Variants in MYO16 observed in about 807,000 individuals in gnomAD.
MYO16 encodes myosin XVI.
Under a neutral mutation model 205.3 loss-of-function variants are expected in MYO16, and 94 were observed. That is an observed-to-expected ratio of 0.46 (90% CI 0.39 to 0.54). The LOEUF (loss-of-function observed/expected upper bound fraction) is 0.54. MYO16 is among the 20% of genes least tolerant of loss of function. The probability of loss-of-function intolerance (pLI) is 0.00; values close to 1 mark genes in which losing one functional copy is unlikely to be tolerated. For synonymous variants in MYO16, 988 were observed against 954.0 expected, an observed-to-expected ratio of 1.04 and a Z score of -0.66; for missense variants, 2,315 against 2,387.5, an observed-to-expected ratio of 0.97 and a Z score of 0.63.
intron 1 of MYO16, among the ~76,000 whole-genome samples, chr13:108,647,139 C>G (rs1488373730): frequency 6.6e-6 from 1 of 152,122 alleles, no homozygotes; most frequent in Non-Finnish European, 1.5e-5. Context: ...TTTTCTTTCT[C>G]TACCTTCTGA....
Position 108,844,464 on chromosome 13 carries a change from A to G in MYO16, c.1219A>G (p.Met407Val). Reference protein sequence around the residue: ...QSQDSIPENPMMSGSTKPEQV... With the variant: ...QSQDSIPENPVMSGSTKPEQV... ...TCAGGACAGCATCCCTGAAAACCCC[A>G]TGATGAGCGGTTCCACCAAACCCGA... Residue 407 changes from methionine (M) to valine (V), a missense_variant, in exon 10 of 35, where the codon ATG becomes GTG. Physicochemically the swap from Met to Val is conservative, Grantham distance 21. Coordinates refer to ENST00000457511, the MANE Select transcript of MYO16 (RefSeq NM_001198950.3). 1.9e-6 allele frequency: 3 copies of G among 1,611,654 alleles called. No homozygotes were observed. Among genetic ancestry groups the G allele is most frequent in the South Asian group, 2.2e-5 (2 of 90,798 alleles).
intron 33 of MYO16, among the ~76,000 whole-genome samples, chr13:109,169,104 A>G (rs1450752802): frequency 1.3e-5 from 2 of 152,200 alleles, no homozygotes; most frequent in African/African-American, 4.8e-5. Flanking sequence ...GCTCCCACTT[A>G]TAAGTGAGAA....
chr13:108,802,947 A>C (rs74121448), intron 6 of MYO16, among the ~76,000 whole-genome samples: 94 of 152,242 alleles, frequency 6.2e-4, no homozygotes, highest in African/African-American at 2.2e-3. Flanking sequence ...CAGCTGTTTG[A>C]GGGGCCTACT....
At chr13:108,690,217 C>T (rs954891731) in intron 2 of MYO16, among the ~76,000 whole-genome samples, 3 of 151,912 alleles carry the variant, frequency 2.0e-5, no homozygotes, top group African/African-American at 7.3e-5. Context: ...GGAGCTGCAA[C>T]CATCAACAAC....
intron 1 of MYO16, among the ~76,000 whole-genome samples, chr13:108,603,387 C>A (rs997707374): frequency 6.6e-6 from 1 of 152,038 alleles, no homozygotes; most frequent in African/African-American, 2.4e-5. Context: ...TAAATTGAAC[C>A]AAAGTTGGGA....
At chr13:109,196,986 G>C (rs1416754675) in intron 34 of MYO16, among the ~76,000 whole-genome samples, 4 of 152,128 alleles carry the variant, frequency 2.6e-5, no homozygotes, top group Admixed American at 6.5e-5. Context: ...ACCTATTATA[G>C]AACAGTACAA....
At chr13:108,547,187 G>A in the MYO16 span, among the ~76,000 whole-genome samples, 2 of 151,426 alleles carry the variant, frequency 1.3e-5, no homozygotes, top group East Asian at 1.9e-4. Context: ...CAGGAGCATG[G>A]CATGAACCTG....
chr13:109,040,469 A>C (rs758282685), intron 23 of MYO16, among the ~76,000 whole-genome samples: 1 of 151,644 alleles, frequency 6.6e-6, no homozygotes, highest in African/African-American at 2.4e-5. Flanking sequence ...AATATGTTTA[A>C]TATATTAGCA....
chr13:108,838,274 C>T (rs796304013), intron 9 of MYO16, among the ~76,000 whole-genome samples: 5 of 151,964 alleles, frequency 3.3e-5, no homozygotes, highest in Admixed American at 1.3e-4. Flanking sequence ...TTAATACATG[C>T]AGCGTGTTTA....
chr13:108,841,878 C>T (rs570111623), intron 9 of MYO16, among the ~76,000 whole-genome samples: 2 of 152,140 alleles, frequency 1.3e-5, no homozygotes, highest in Admixed American at 6.6e-5. Flanking sequence ...ATAAAACAGA[C>T]ACATAGACCA....
intron 2 of MYO16, among the ~76,000 whole-genome samples, chr13:108,690,728 G>T (rs1333744512): frequency 6.6e-6 from 1 of 152,054 alleles, no homozygotes; most frequent in Non-Finnish European, 1.5e-5. Flanking sequence ...CCACTTGTGT[G>T]TCAATGACAA....
chr13:108,773,130 C>T (rs886561074), intron 4 of MYO16, among the ~76,000 whole-genome samples: 1 of 152,158 alleles, frequency 6.6e-6, no homozygotes, highest in Admixed American at 6.5e-5. Context: ...TTTATAAAGG[C>T]ACCAATCCCA....
intron 1 of MYO16, among the ~76,000 whole-genome samples, chr13:108,638,537 T>G (rs1385611206): frequency 1.3e-5 from 2 of 152,148 alleles, no homozygotes; most frequent in Non-Finnish European, 2.9e-5. Context: ...TATTTGCACA[T>G]TTTCACTCAG....
upstream of MYO16, among the ~76,000 whole-genome samples, chr13:108,591,336 A>G (rs1350292775): frequency 6.6e-6 from 1 of 152,236 alleles, no homozygotes; most frequent in Non-Finnish European, 1.5e-5. Flanking sequence ...GTTAGTTGTT[A>G]AAAACACAAG....
chr13:108,655,156 T>C (rs928616536), intron 1 of MYO16, among the ~76,000 whole-genome samples: 1 of 152,212 alleles, frequency 6.6e-6, no homozygotes, highest in East Asian at 1.9e-4. Flanking sequence ...TAGGTCTTTA[T>C]GATAGCCGCT....
chr13:108,888,917 T>G (rs1165621518), intron 14 of MYO16, among the ~76,000 whole-genome samples: 1 of 151,394 alleles, frequency 6.6e-6, no homozygotes, highest in Non-Finnish European at 1.5e-5. Flanking sequence ...TAGCCAGGAG[T>G]GGTGGCTGGT....
chr13:109,067,809 G>A (rs1887800477), intron 27 of MYO16, among the ~76,000 whole-genome samples: 1 of 152,130 alleles, frequency 6.6e-6, no homozygotes, highest in Admixed American at 6.6e-5. Context: ...GGTATGAAAT[G>A]AGGCTGAATC....
At chr13:108,696,451 A>G (rs1189184737) in intron 2 of MYO16, among the ~76,000 whole-genome samples, 1 of 152,210 alleles carries the variant, frequency 6.6e-6, no homozygotes, top group Admixed American at 6.5e-5. Context: ...GATAGATTTC[A>G]CAAACACAAG....
At chr13:108,626,667 G>C (rs1361957976), upstream of MYO16, among the ~76,000 whole-genome samples, 2 of 151,816 alleles carry the variant, frequency 1.3e-5, no homozygotes, top group African/African-American at 2.4e-5. Flanking sequence ...AGCTGGGCAT[G>C]GTAGTGGGTG....
Sources: gnomAD v4.1 joint callset for allele counts (sites outside exome capture counted in the v4.1 genomes callset) on GRCh38, gnomAD v4.1.1 for gene constraint, MANE v1.5 for transcripts, NCBI Gene and HGNC (gene_info 2026-07-23, HGNC 2026-07-21) for gene names.